PRKG1: variants seen among roughly 807,000 people sequenced by gnomAD.
PRKG1 encodes protein kinase cGMP-dependent 1.
Under a neutral mutation model 88.1 loss-of-function variants are expected in PRKG1, and 35 were observed. The observed-to-expected ratio is 0.40, with a 90% CI of 0.30 to 0.53. The LOEUF is 0.53. PRKG1 is among the 20% of genes least tolerant of loss of function. PRKG1 has a pLI of 0.59. For missense variants in PRKG1, 540 were observed against 839.8 expected, an observed-to-expected ratio of 0.64 and a Z score of 4.41; for synonymous variants, 303 against 292.5, an observed-to-expected ratio of 1.04 and a Z score of -0.37.
intron 2 of PRKG1, among the ~76,000 whole-genome samples, chr10:51,292,513 ACC>A (rs1840609462): frequency 6.6e-6 from 1 of 152,152 alleles, no homozygotes; most frequent in Non-Finnish European, 1.5e-5. Flanking sequence ...AGTACAAAAT[ACC>A]TTTGAATCTT....
intron 3 of PRKG1, among the ~76,000 whole-genome samples, chr10:51,530,347 C>A (rs1841988289): frequency 6.6e-6 from 1 of 152,044 alleles, no homozygotes; most frequent in Non-Finnish European, 1.5e-5. Context: ...AATATCACTT[C>A]AGCTTTTCTT....
At chr10:51,062,347 G>C (rs1416149601) in intron 1 of PRKG1, among the ~76,000 whole-genome samples, 2 of 152,106 alleles carry the variant, frequency 1.3e-5, no homozygotes, top group Non-Finnish European at 2.9e-5. Flanking sequence ...TATTTTCTTA[G>C]AAGTATTTTG....
chr10:52,205,914 G>A (rs1422546514), intron 9 of PRKG1, among the ~76,000 whole-genome samples: 1 of 151,968 alleles, frequency 6.6e-6, no homozygotes, highest in Non-Finnish European at 1.5e-5. Flanking sequence ...ATCTTGTATA[G>A]TATCTTTCAG....
intron 2 of PRKG1, among the ~76,000 whole-genome samples, chr10:51,174,060 T>C (rs747595904): frequency 2.0e-5 from 3 of 151,938 alleles, no homozygotes; most frequent in Admixed American, 6.6e-5. Context: ...TTAATGTTAC[T>C]AGTCAAAAAT....
intron 1 of PRKG1, among the ~76,000 whole-genome samples, chr10:51,062,186 T>A (rs1373735133): frequency 6.6e-6 from 1 of 152,306 alleles, no homozygotes; most frequent in East Asian, 1.9e-4. Flanking sequence ...TCAGTCTTAT[T>A]GAGTACATGG....
intron 3 of PRKG1, among the ~76,000 whole-genome samples, chr10:51,526,020 A>G (rs1050167778): frequency 2.6e-5 from 4 of 152,114 alleles, no homozygotes; most frequent in Non-Finnish European, 5.9e-5. Context: ...GGGTTTTGCC[A>G]TGTTGGCCAG....
intron 2 of PRKG1, among the ~76,000 whole-genome samples, chr10:51,278,708 C>T (rs1019240851): frequency 1.3e-5 from 2 of 152,100 alleles, no homozygotes; most frequent in Non-Finnish European, 2.9e-5. Context: ...AGGAATTTAT[C>T]CGTTTCTTCT....
At chr10:51,918,793 G>A (rs73335443) in intron 5 of PRKG1, among the ~76,000 whole-genome samples, 4,193 of 152,260 alleles carry the variant, frequency 0.028, 203 homozygotes, top group African/African-American at 0.096. Flanking sequence ...ACAGGGACAA[G>A]TGATGCACAC....
intron 1 of PRKG1, among the ~76,000 whole-genome samples, chr10:51,006,217 A>G (rs1842938720): frequency 6.6e-6 from 1 of 152,218 alleles, no homozygotes; most frequent in Non-Finnish European, 1.5e-5. Flanking sequence ...CTATCAGTCA[A>G]TCAGCTAATA....
chr10:51,654,996 AT>A (rs1840128483), intron 3 of PRKG1, among the ~76,000 whole-genome samples: 1 of 152,070 alleles, frequency 6.6e-6, no homozygotes, highest in South Asian at 2.1e-4. Context: ...GAATTTCTGT[AT>A]TTTTCCTCCC....
At chr10:51,890,257 C>T (rs995577884) in intron 4 of PRKG1, among the ~76,000 whole-genome samples, 1 of 152,150 alleles carries the variant, frequency 6.6e-6, no homozygotes, top group Non-Finnish European at 1.5e-5. Context: ...CACATTCTTA[C>T]CTTCACATTA....
chr10:51,398,544 A>T (rs1837643845), intron 2 of PRKG1, among the ~76,000 whole-genome samples: 1 of 152,164 alleles, frequency 6.6e-6, no homozygotes, highest in Non-Finnish European at 1.5e-5. Context: ...CTAAAGAGTG[A>T]CCATGGCAAA....
intron 2 of PRKG1, among the ~76,000 whole-genome samples, chr10:51,311,066 A>G (rs1304845475): frequency 6.6e-6 from 1 of 152,124 alleles, no homozygotes; most frequent in Non-Finnish European, 1.5e-5. Flanking sequence ...GGTGCAGAAA[A>G]AGGGAATGAG....
chr10:51,071,102 G>A (rs1042474923), upstream of PRKG1, among the ~76,000 whole-genome samples: 11 of 152,184 alleles, frequency 7.2e-5, no homozygotes, highest in African/African-American at 2.4e-4. Context: ...AGCCAATTAA[G>A]TTTACTACAT....
At chr10:51,628,973 A>AAAC (rs1345661013) in intron 3 of PRKG1, among the ~76,000 whole-genome samples, 4 of 85,908 alleles carry the variant, frequency 4.7e-5, no homozygotes, top group African/African-American at 1.3e-4. Context: ...CTCAAAAAAA[A>AAAC]AAAAAACAAA....
At chr10:51,047,261 A>T (rs1349506265) in intron 1 of PRKG1, among the ~76,000 whole-genome samples, 1 of 152,216 alleles carries the variant, frequency 6.6e-6, no homozygotes, top group Non-Finnish European at 1.5e-5. Context: ...CAGGGATTGA[A>T]TCCCAATTCT....
intron 3 of PRKG1, among the ~76,000 whole-genome samples, chr10:51,671,159 TTAAG>T (rs1840564418): frequency 6.6e-6 from 1 of 152,116 alleles, no homozygotes; most frequent in Non-Finnish European, 1.5e-5. Flanking sequence ...AAGATCTTTC[TTAAG>T]TAAGAAAGTC....
chr10:51,834,666 AAGAAAGAAAGAC>A (rs1349905195), intron 4 of PRKG1, among the ~76,000 whole-genome samples: 13 of 148,184 alleles, frequency 8.8e-5, no homozygotes, highest in Middle Eastern at 3.4e-3. Context: ...GAAAGAAGGA[AAGAAAGAAAGAC>A]AGAAAGAAAG....
At chr10:51,415,365 T>C (rs1307486192) in intron 2 of PRKG1, among the ~76,000 whole-genome samples, 1 of 152,186 alleles carries the variant, frequency 6.6e-6, no homozygotes, top group Non-Finnish European at 1.5e-5. Context: ...ATTCTTGTTA[T>C]TTTTTTGGTG....
Sources: allele counts gnomAD v4.1 joint callset (sites outside exome capture counted in the v4.1 genomes callset), GRCh38; gene constraint gnomAD v4.1.1; transcripts MANE v1.5; gene names NCBI Gene and HGNC (gene_info 2026-07-23, HGNC 2026-07-21).